The following BNC2 variants were observed in gnomAD, a reference collection of about 807,000 sequenced individuals.
The protein encoded by BNC2 is basonuclin zinc finger protein 2.
A neutral mutation model predicts 76.3 loss-of-function variants in BNC2; 20 were observed. That is an observed-to-expected ratio of 0.26 (90% CI 0.18 to 0.38). The LOEUF (loss-of-function observed/expected upper bound fraction) is 0.38. Among genes scored for constraint, BNC2 ranks in the 10% least tolerant of loss-of-function variants. BNC2 has a pLI of 1.00. For synonymous variants in BNC2, 582 were observed against 514.8 expected, an observed-to-expected ratio of 1.13 and a Z score of -1.77; for missense variants, 1,382 against 1,399.8, an observed-to-expected ratio of 0.99 and a Z score of 0.20.
intron 2 of BNC2, among the ~76,000 whole-genome samples, chr9:16,734,673 A>G (rs1824612745): frequency 6.6e-6 from 1 of 152,218 alleles, no homozygotes; most frequent in Non-Finnish European, 1.5e-5. Flanking sequence ...AAGTATTGTG[A>G]GTACTATATG....
chr9:16,651,413 T>C (rs1325572432), intron 3 of BNC2, among the ~76,000 whole-genome samples: 2 of 152,208 alleles, frequency 1.3e-5, no homozygotes, highest in African/African-American at 4.8e-5. Context: ...AATGCATCTT[T>C]ACTTTACTAT....
intron 5 of BNC2, among the ~76,000 whole-genome samples, chr9:16,541,762 A>T (rs1467108322): frequency 1.3e-5 from 2 of 152,178 alleles, no homozygotes; most frequent in South Asian, 2.1e-4. Context: ...CTAGAGACAA[A>T]ACCTATGGGA....
At chr9:16,479,145 G>A (rs1183576373) in intron 5 of BNC2, among the ~76,000 whole-genome samples, 1 of 151,926 alleles carries the variant, frequency 6.6e-6, no homozygotes, top group Non-Finnish European at 1.5e-5. Flanking sequence ...CCAGCTACTC[G>A]GGAGTCTGAG....
chr9:16,691,921 C>G (rs1262604501), intron 3 of BNC2, among the ~76,000 whole-genome samples: 1 of 151,720 alleles, frequency 6.6e-6, no homozygotes, highest in Non-Finnish European at 1.5e-5. Context: ...AGTGATTCTC[C>G]TGCCTCATTC....
At chr9:16,619,447 A>T (rs1324457237) in intron 3 of BNC2, among the ~76,000 whole-genome samples, 1 of 152,186 alleles carries the variant, frequency 6.6e-6, no homozygotes, top group African/African-American at 2.4e-5. Flanking sequence ...AGGAAAAGAA[A>T]CTTTCCCCAA....
chr9:16,691,517 T>TG, intron 3 of BNC2, among the ~76,000 whole-genome samples: 1 of 149,028 alleles, frequency 6.7e-6, no homozygotes, highest in South Asian at 2.1e-4. Context: ...TTTTTTTTTT[T>TG]TTTTTTTTTT....
chr9:16,442,624 A>T (rs1163536063), intron 5 of BNC2, among the ~76,000 whole-genome samples: 1 of 152,192 alleles, frequency 6.6e-6, no homozygotes, highest in African/African-American at 2.4e-5. Context: ...GGGCTTTGGG[A>T]TAATCAGACT....
At chr9:16,679,274 C>A (rs1587308324) in intron 3 of BNC2, among the ~76,000 whole-genome samples, 1 of 152,048 alleles carries the variant, frequency 6.6e-6, no homozygotes, top group African/African-American at 2.4e-5. Flanking sequence ...TACTCCATAC[C>A]GTAGGAATGT....
intron 3 of BNC2, among the ~76,000 whole-genome samples, chr9:16,663,383 C>T (rs182542020): frequency 6.6e-6 from 1 of 152,208 alleles, no homozygotes; most frequent in East Asian, 1.9e-4. Context: ...TGGCCTCAGC[C>T]TCCCAAAGTG....
chr9:16,506,563 C>T (rs1396212170), intron 5 of BNC2, among the ~76,000 whole-genome samples: 2 of 118,826 alleles, frequency 1.7e-5, no homozygotes, highest in South Asian at 2.8e-4. Context: ...CTCACCTTGT[C>T]GCCCAGGCTT....
At chr9:16,594,057 CTAATA>C (rs763131524) in intron 3 of BNC2, among the ~76,000 whole-genome samples, 8 of 151,970 alleles carry the variant, frequency 5.3e-5, no homozygotes, top group Non-Finnish European at 8.8e-5. Context: ...AAAACAATTA[CTAATA>C]TAATATGATA....
intron 3 of BNC2, among the ~76,000 whole-genome samples, chr9:16,670,329 T>G (rs943336308): frequency 6.6e-6 from 1 of 152,124 alleles, no homozygotes; most frequent in Non-Finnish European, 1.5e-5. Flanking sequence ...AAATAAAATA[T>G]ATTAGAGACA....
At position 16,435,941 on chromosome 9, in the gene BNC2, T is replaced by C; in HGVS notation, c.2253A>G (p.Lys751=). ...CAGGCCTCTCACTATTCATCAGGAC[T>C]TTTTCACTCACTTCGCTGTGAATGT... ...DEHIHSEVSE[K]VLMNSERPDE... Residue 751 remains lysine (K), a synonymous_variant, in exon 6 of 7, where the codon AAA becomes AAG. Coordinates refer to ENST00000380672, the MANE Select transcript of BNC2 (RefSeq NM_017637.6). 3 of 1,614,152 alleles carry C rather than the reference T, an allele frequency of 1.9e-6. No homozygotes were observed. The highest frequency in any genetic ancestry group is 2.5e-6 in the Non-Finnish European group (3 of 1,180,022).
At chr9:16,711,227 T>C (rs1006939158) in intron 3 of BNC2, among the ~76,000 whole-genome samples, 10 of 152,134 alleles carry the variant, frequency 6.6e-5, no homozygotes, top group African/African-American at 2.4e-4. Flanking sequence ...CTTAAATGTC[T>C]CGTTGAAACT....
intron 3 of BNC2, among the ~76,000 whole-genome samples, chr9:16,682,609 C>A (rs894823831): frequency 6.6e-6 from 1 of 152,038 alleles, no homozygotes; most frequent in African/African-American, 2.4e-5. Flanking sequence ...ACACTTGCAC[C>A]CCAGTATGTC....
At chr9:16,864,892 A>G (rs2136225071) in intron 1 of BNC2, among the ~76,000 whole-genome samples, 1 of 152,198 alleles carries the variant, frequency 6.6e-6, no homozygotes, top group African/African-American at 2.4e-5. Flanking sequence ...TACAATAAAG[A>G]AGGAGCTTGG....
chr9:16,822,588 G>A (rs909721267), intron 1 of BNC2, among the ~76,000 whole-genome samples: 4 of 152,130 alleles, frequency 2.6e-5, no homozygotes, highest in African/African-American at 2.4e-5. Context: ...GAAACTGCCT[G>A]AAGCTTATTG....
At position 16,437,050 on chromosome 9, in the gene BNC2, G is replaced by C. The variant is rs145621565; in HGVS notation, c.1144C>G (p.Pro382Ala). ...ATGCTGGTCAGGGCATTTCTATTGG[G>C]TGTTTGATCATTCTTATAAGGTGTG... ...SPTPYKNDQTPNRNALTSITN... is the reference protein window; with the variant it reads ...SPTPYKNDQTANRNALTSITN... Residue 382 changes from proline to alanine, a missense_variant, in exon 6 of 7, where the codon CCC (proline) becomes GCC (alanine). Pro to Ala is a conservative substitution (Grantham distance 27, BLOSUM62 -1). Coordinates refer to ENST00000380672, the MANE Select transcript of BNC2 (RefSeq NM_017637.6). The C allele has an allele frequency of 3.3e-5, 53 of 1,613,982 alleles. No individual in the cohort carries two copies. The highest frequency in any genetic ancestry group is 3.3e-4 in the Middle Eastern group (2 of 6,084).
intron 5 of BNC2, among the ~76,000 whole-genome samples, chr9:16,448,822 C>T (rs1224326145): frequency 2.0e-5 from 3 of 152,202 alleles, no homozygotes; most frequent in African/African-American, 4.8e-5. Flanking sequence ...AACACATACA[C>T]AAGGCTGTTA....
Sources: gnomAD v4.1 joint callset for allele counts (sites outside exome capture counted in the v4.1 genomes callset) on GRCh38, gnomAD v4.1.1 for gene constraint, MANE v1.5 for transcripts, NCBI Gene and HGNC (gene_info 2026-07-23, HGNC 2026-07-21) for gene names.